EPRS1: variants seen among roughly 807,000 people sequenced by gnomAD.
EPRS1 encodes glutamyl-prolyl-tRNA synthetase 1.
In EPRS1, 107 loss-of-function variants were observed where a neutral mutation model predicts 188.3. The observed-to-expected ratio is 0.57, with a 90% CI of 0.49 to 0.67. The LOEUF (loss-of-function observed/expected upper bound fraction) is 0.67. Ranked by LOEUF, EPRS1 falls within the 30% of genes least tolerant of loss-of-function variation. EPRS1 has a pLI of 0.00. For missense variants in EPRS1, 1,577 were observed against 1,802.2 expected, an observed-to-expected ratio of 0.88 and a Z score of 2.26; for synonymous variants, 596 against 593.1, an observed-to-expected ratio of 1.00 and a Z score of -0.07.
At chr1:220,002,072 C>G (rs1661364218) in intron 16 of EPRS1, among the ~76,000 whole-genome samples, 1 of 149,034 alleles carries the variant, frequency 6.7e-6, no homozygotes, top group African/African-American at 2.5e-5. Flanking sequence ...GCTCATGACT[C>G]TAATCCCAGC....
At chr1:220,018,588 T>G in intron 11 of EPRS1, 80 bp from the exon 12 acceptor site, 1 of 575,638 alleles carries the variant, frequency 1.7e-6, no homozygotes, top group South Asian at 2.3e-5. Context: ...TAAGCATGTT[T>G]AGAAAAAAAA....
intron 18 of EPRS1, among the ~76,000 whole-genome samples, chr1:219,996,289 A>AT (rs1159269264): frequency 6.6e-6 from 1 of 152,208 alleles, no homozygotes; most frequent in Admixed American, 6.5e-5. Flanking sequence ...CTGCTATGAA[A>AT]AGCTGGAGAT....
intron 12 of EPRS1, among the ~76,000 whole-genome samples, chr1:220,014,385 C>A (rs1253035105): frequency 6.6e-6 from 1 of 151,912 alleles, no homozygotes; most frequent in Non-Finnish European, 1.5e-5. Flanking sequence ...AACATAGAAG[C>A]ATCCCCTCCC....
intron 9 of EPRS1, 65 bp downstream of exon 9, chr1:220,022,282 T>A (rs1661891884): frequency 1.4e-6 from 2 of 1,406,566 alleles, no homozygotes; most frequent in African/African-American, 2.9e-5. Context: ...TTGTACTCCA[T>A]GTTTAAAGAA....
intron 9 of EPRS1, 135 bp from the exon 10 acceptor site, chr1:220,020,356 G>A (rs1003796495): frequency 9.9e-6 from 6 of 603,096 alleles, no homozygotes; most frequent in African/African-American, 3.7e-5. Flanking sequence ...AAGGTTTTAT[G>A]ACTTAATACT....
At chr1:219,991,849 C>A (rs549591472) in intron 18 of EPRS1, among the ~76,000 whole-genome samples, 1 of 152,174 alleles carries the variant, frequency 6.6e-6, no homozygotes, top group Admixed American at 6.5e-5. Context: ...AACACAAATT[C>A]TGAAGATTTT....
chr1:219,969,246 G>A, intron 30 of EPRS1, 124 bp from the exon 31 acceptor site: 1 of 686,986 alleles, frequency 1.5e-6, no homozygotes, highest in South Asian at 1.8e-5. Flanking sequence ...CCTTTTTTCA[G>A]GCTATGATAC....
chr1:220,024,935 G>T (rs1414890248), intron 7 of EPRS1, 197 bp downstream of exon 7: 4 of 552,068 alleles, frequency 7.2e-6, no homozygotes, highest in Non-Finnish European at 1.3e-5. Flanking sequence ...TATAACTGGG[G>T]AAAGGAAAAA....
At chr1:220,003,482 G>T (rs1314156301) in intron 16 of EPRS1, among the ~76,000 whole-genome samples, 2 of 152,070 alleles carry the variant, frequency 1.3e-5, no homozygotes, top group East Asian at 3.9e-4. Context: ...CATTGCCAAG[G>T]TTACAAAGAT....
At chr1:219,983,515 C>T (rs1026800900) in intron 21 of EPRS1, 117 bp from the exon 22 acceptor site, 4 of 671,426 alleles carry the variant, frequency 6.0e-6, no homozygotes, top group African/African-American at 5.5e-5. Context: ...ATAACATCCC[C>T]TTAATGTGGG....
chr1:220,022,309 C>T (rs12095669), intron 9 of EPRS1, 38 bp downstream of exon 9: 2 of 1,549,476 alleles, frequency 1.3e-6, no homozygotes, highest in African/African-American at 1.4e-5. Context: ...AACAAAAGCA[C>T]AGATGGCTAC....
intron 4 of EPRS1, among the ~76,000 whole-genome samples, chr1:220,032,882 G>A (rs912464560): frequency 1.3e-5 from 2 of 151,980 alleles, no homozygotes; most frequent in African/African-American, 4.8e-5. Context: ...CTGTGTGTGT[G>A]TGTGTATGTA....
intron 10 of EPRS1, among the ~76,000 whole-genome samples, 153 bp downstream of exon 10, chr1:220,019,835 T>A (rs566081727): frequency 6.6e-6 from 1 of 152,202 alleles, no homozygotes; most frequent in African/African-American, 2.4e-5. Context: ...GAAGCCCTAA[T>A]GCACTGGCTG....
chr1:220,030,606 T>A (rs1662065409), intron 5 of EPRS1, 126 bp from the exon 6 acceptor site: 1 of 673,720 alleles, frequency 1.5e-6, no homozygotes, highest in Non-Finnish European at 2.6e-6. Context: ...TAGAACATCA[T>A]CCCTACACTT....
At chr1:219,985,082 GC>G (rs1660981571) in intron 20 of EPRS1, among the ~76,000 whole-genome samples, 2 of 150,766 alleles carry the variant, frequency 1.3e-5, no homozygotes, top group South Asian at 4.2e-4. Flanking sequence ...AACAAAAACA[GC>G]AGAGACATCT....
intron 17 of EPRS1, among the ~76,000 whole-genome samples, chr1:219,998,308 A>G (rs1001409796): frequency 6.6e-6 from 1 of 152,102 alleles, no homozygotes. Flanking sequence ...AGGCATCTCA[A>G]GCTGTATCAG....
chr1:220,030,468 T>G lies in EPRS1; in HGVS notation c.541A>C (p.Lys181Gln). 6.2e-7 allele frequency: 1 copy of G among 1,613,934 alleles called. No homozygotes were observed. The highest frequency in any genetic ancestry group is 8.5e-7 in the Non-Finnish European group (1 of 1,179,832). ...TTKARVAPEK[K>Q]QDVGKFVELP... ...TCAACAAATTTCCCAACATCTTGCT[T>G]TTTCTCAGGTGCCTGAAAAACACAA... The change falls in exon 6 of 32, where the codon AAG (lysine) becomes CAG (glutamine). Residue 181 changes from lysine to glutamine, a missense_variant. Physicochemically the swap from Lys to Gln is moderately conservative, Grantham distance 53. This residue lies in a region of EPRS1 where 1,278 missense variants were observed against 1,457.4 expected (regional missense o/e 0.88). Coordinates refer to ENST00000366923, the MANE Select transcript of EPRS1 (RefSeq NM_004446.3).
chr1:219,994,640 C>CTTTTTTTTTT (rs71169424), intron 18 of EPRS1, among the ~76,000 whole-genome samples: 1 of 109,500 alleles, frequency 9.1e-6, no homozygotes, highest in Non-Finnish European at 1.8e-5. Context: ...GTAACTTCTT[C>CTTTTTTTTTT]TTTTTTTTTT....
At chr1:220,040,626 G>T (rs1008095721) in intron 1 of EPRS1, among the ~76,000 whole-genome samples, 2 of 152,144 alleles carry the variant, frequency 1.3e-5, no homozygotes, top group Non-Finnish European at 2.9e-5. Flanking sequence ...CAAGGCAGGC[G>T]GATCACCTGA....
Sources: allele counts gnomAD v4.1 joint callset (sites outside exome capture counted in the v4.1 genomes callset), GRCh38; gene constraint gnomAD v4.1.1; regional missense constraint gnomAD v4.1.1; transcripts MANE v1.5; gene names NCBI Gene and HGNC (gene_info 2026-07-23, HGNC 2026-07-21).